The following C1QTNF1 variants were observed in gnomAD, a reference collection of about 807,000 sequenced individuals.
The protein encoded by C1QTNF1 is C1q and TNF related 1.
A neutral mutation model predicts 27.8 loss-of-function variants in C1QTNF1; 22 were observed. The ratio of observed to expected loss-of-function variants is 0.79; its 90% CI spans 0.56 to 1.13. The LOEUF is 1.13. Ranked by LOEUF, C1QTNF1 falls within the 50% of genes most tolerant of loss-of-function variation. The pLI is 0.00. For missense variants in C1QTNF1, 373 were observed against 380.2 expected, an observed-to-expected ratio of 0.98 and a Z score of 0.16; for synonymous variants, 166 against 154.3, an observed-to-expected ratio of 1.08 and a Z score of -0.56.
At chr17:79,023,704 G>GCGCACACACACACACACA (rs1267428917), upstream of C1QTNF1, among the ~76,000 whole-genome samples, 3 of 145,030 alleles carry the variant, frequency 2.1e-5, no homozygotes, top group African/African-American at 7.8e-5. Context: ...GCGCGCGCGC[G>GCGCACACACACACACACA]CACACACACA....
chr17:79,043,745 G>A (rs757362109), intron 1 of C1QTNF1: 13 of 669,132 alleles, frequency 1.9e-5, no homozygotes, highest in South Asian at 9.0e-5. Flanking sequence ...GTGTGTGCAC[G>A]TGAGTGCGTC....
chr17:79,048,136 T>G lies in C1QTNF1; in HGVS notation c.*48T>G. The stretch of plus-strand genomic sequence containing the variant: ...CTCGCCACCTTCCACCCCTGCGCTG[T>G]GCTGACCCCACCGCCTCTTCCCCGA... On this transcript the variant is annotated 3_prime_UTR_variant, in exon 4 of 4. Transcript: ENST00000579760. The G allele has an allele frequency of 6.9e-7, 1 of 1,449,308 alleles. No individual in the cohort carries two copies. The allele number at this position is 1,449,308 out of a possible 1,614,324, so 89.8% of individuals were successfully genotyped here.
chr17:79,044,161 C>G (rs777965796), intron 2 of C1QTNF1, 38 bp downstream of exon 2: 36 of 1,549,502 alleles, frequency 2.3e-5, no homozygotes, highest in Non-Finnish European at 3.1e-5. Context: ...GGAGCTCTGG[C>G]TCTGGCCAGG....
chr17:79,033,338 C>T (rs1300919895), intron 1 of C1QTNF1, among the ~76,000 whole-genome samples: 1 of 151,900 alleles, frequency 6.6e-6, no homozygotes, highest in Non-Finnish European at 1.5e-5. Context: ...ATTTGCAAGC[C>T]CAGGTCTCAG....
intron 1 of C1QTNF1, chr17:79,043,744 CGTGA>C (rs757970654): frequency 6.0e-6 from 4 of 668,234 alleles, no homozygotes; most frequent in Non-Finnish European, 1.1e-5. Context: ...CGTGTGTGCA[CGTGA>C]GTGCGTCGTG....
rs1351487249 is a variant in C1QTNF1, at chr17:79,046,502, C to T, written c.156-53C>T. On this transcript the variant is annotated intron_variant, in intron 2 of 3. Coordinates refer to ENST00000579760, the MANE Select transcript of C1QTNF1 (RefSeq NM_030968.5). This position sits in a 1 kb window ranked among gnomAD's most constrained non-coding sequence, Gnocchi z 4.8. Reference sequence around the variant, plus strand: ...AACCACTGGCAGCAGGAGAGAGCAGCGTTTCCAGGCCTGAGAGTGGCTGAC... The same window carrying T: ...AACCACTGGCAGCAGGAGAGAGCAGTGTTTCCAGGCCTGAGAGTGGCTGAC... The T allele has an allele frequency of 7.5e-6, 12 of 1,609,070 alleles. No individual in the cohort carries two copies. Among genetic ancestry groups the T allele is most frequent in the African/African-American group, 6.7e-5 (5 of 74,846 alleles).
chr17:79,040,786 C>A (rs1180340147), intron 1 of C1QTNF1, among the ~76,000 whole-genome samples: 1 of 151,030 alleles, frequency 6.6e-6, no homozygotes, highest in African/African-American at 2.4e-5. Context: ...TACCTGCAGT[C>A]CCTTCTACTT....
chr17:79,043,629 G>A (rs1241199480), intron 1 of C1QTNF1: 2 of 484,518 alleles, frequency 4.1e-6, no homozygotes, highest in Admixed American at 2.3e-5. Flanking sequence ...GTGAATGTGT[G>A]GGTTGCATGT....
chr17:79,035,911 G>A (rs754174816), intron 1 of C1QTNF1, among the ~76,000 whole-genome samples: 1 of 152,204 alleles, frequency 6.6e-6, no homozygotes, highest in African/African-American at 2.4e-5. Flanking sequence ...CCCCTGGAGG[G>A]CATCTGATAC....
intron 1 of C1QTNF1, among the ~76,000 whole-genome samples, chr17:79,037,730 G>A (rs1261138399): frequency 2.0e-5 from 3 of 152,122 alleles, no homozygotes; most frequent in Non-Finnish European, 4.4e-5. Context: ...GTGCAGTGGT[G>A]CGATCATGGC....
chr17:79,041,778 A>C (rs561519794), intron 1 of C1QTNF1: 1 of 152,118 alleles, frequency 6.6e-6, no homozygotes, highest in South Asian at 2.1e-4. Flanking sequence ...CTCAAAAAAA[A>C]AAAAAAAAAG....
Position 79,046,495 on chromosome 17 carries a change from A to G in C1QTNF1, c.156-60A>G. The G allele has an allele frequency of 1.9e-6, 3 of 1,606,594 alleles. No homozygotes were observed. The highest frequency in any genetic ancestry group is 1.1e-5 in the South Asian group (1 of 90,328). On this transcript the variant is annotated intron_variant, in intron 2 of 3. Transcript: ENST00000579760. The surrounding 1 kb of genome is among the most constrained non-coding windows in gnomAD (Gnocchi z 4.8). ...ATGCCAGAACCACTGGCAGCAGGAG[A>G]GAGCAGCGTTTCCAGGCCTGAGAGT...
In C1QTNF1 at chr17:79,047,743, C is replaced by T. The variant is rs777218254; in HGVS notation, c.501C>T (p.Phe167=). 7.4e-6 allele frequency: 12 copies of T among 1,614,048 alleles called. No individual in the cohort carries two copies. The Admixed American group carries it at 1.7e-4, about 22-fold the overall frequency. The change falls in exon 4 of 4, where the codon TTC becomes TTT. Residue 167 remains phenylalanine (F), a synonymous_variant. Transcript: ENST00000579760. ...HSNHYYQTVI[F]DTEFVNLYDH... The stretch of plus-strand genomic sequence containing the variant: ...ACCACTACTACCAGACGGTGATCTT[C>T]GACACGGAGTTCGTGAACCTCTACG...
In C1QTNF1 at chr17:79,049,268, T is replaced by C. The variant is rs1290006705; in HGVS notation, c.*1180T>C. ...TAGAAAGCTCCCGCTTGTCTGTTTC[T>C]CAGGCTCCTGTGAGCCTCAGTCCTG... is the stretch of plus-strand genomic sequence containing the variant. On this transcript the variant is annotated 3_prime_UTR_variant, in exon 4 of 4. Transcript: ENST00000579760. This position sits in a 1 kb window ranked among gnomAD's most constrained non-coding sequence, Gnocchi z 4.4. 6.6e-6 allele frequency: 1 copy of C among 152,280 alleles called. No homozygotes were observed. The highest frequency in any genetic ancestry group is 1.5e-5 in the Non-Finnish European group (1 of 68,116). The allele number at this position is 152,280 out of a possible 1,614,324, so 9.4% of individuals were successfully genotyped here.
rs2072672952 is a variant in C1QTNF1 at position 79,048,763 on chromosome 17, G to A, written c.*675G>A. The A allele has an allele frequency of 6.6e-6, 1 of 152,228 alleles. No individual in the cohort carries two copies. The highest frequency in any genetic ancestry group is 1.5e-5 in the Non-Finnish European group (1 of 68,048). The allele number at this position is 152,228 out of a possible 1,614,324, so 9.4% of individuals were successfully genotyped here. Reference sequence around the variant, plus strand: ...ATGGGGGCTGGGGCCCCAGGCGTCAGCCTCCCAGAGGGACAGCTGAGCCCC... The same window carrying A: ...ATGGGGGCTGGGGCCCCAGGCGTCAACCTCCCAGAGGGACAGCTGAGCCCC... On this transcript the variant is annotated 3_prime_UTR_variant, in exon 4 of 4. Transcript: ENST00000579760.
At position 79,046,784 on chromosome 17, in the gene C1QTNF1, C is replaced by G. The variant is rs562094752; in HGVS notation, c.295+90C>G. ...ATGGAGTCGTTAGGGTGGGGCTAGG[C>G]GAGAGCAGAATGGCTCCCTCGGGAC... On this transcript the variant is annotated intron_variant, in intron 3 of 3. Coordinates refer to ENST00000579760, the MANE Select transcript of C1QTNF1 (RefSeq NM_030968.5). This position sits in a 1 kb window ranked among gnomAD's most constrained non-coding sequence, Gnocchi z 4.8. 2 of 1,531,300 alleles carry G rather than the reference C, an allele frequency of 1.3e-6. No homozygotes were observed. The highest frequency in any genetic ancestry group is 2.4e-5 in the South Asian group (2 of 85,004). 94.9% of individuals were successfully genotyped at this position (1,531,300 alleles called of 1,614,324 possible). A position where few individuals can be genotyped will look rare whatever the true frequency, so the allele number is the denominator to read the frequency against.
At chr17:79,039,783 ATG>A (rs35243048) in intron 1 of C1QTNF1, among the ~76,000 whole-genome samples, 27 of 151,150 alleles carry the variant, frequency 1.8e-4, no homozygotes, top group Middle Eastern at 3.4e-3. Flanking sequence ...TTAAATAAAT[ATG>A]TGTGTGTGTG....
rs1200276029 is a variant in C1QTNF1, at chr17:79,046,657, G to A, written c.258G>A (p.Ala86=). 7.4e-6 allele frequency: 12 copies of A among 1,614,098 alleles called. No homozygotes were observed. Among genetic ancestry groups the A allele is most frequent in the East Asian group, 2.2e-5 (1 of 44,896 alleles). ...CCDPGTSMYP[A]TAVPQINITI... ...ACCCCGGTACCTCCATGTACCCGGC[G>A]ACCGCCGTGCCCCAGATCAACATCA... Residue 86 remains alanine, a synonymous_variant, in exon 3 of 4, where the codon GCG becomes GCA. Transcript: ENST00000579760. This position sits in a 1 kb window ranked among gnomAD's most constrained non-coding sequence, Gnocchi z 4.8.
chr17:79,026,277 TC>T (rs1457721485), intron 1 of C1QTNF1, among the ~76,000 whole-genome samples: 2 of 152,102 alleles, frequency 1.3e-5, no homozygotes, highest in Non-Finnish European at 2.9e-5. Context: ...TGCCTCAGCC[TC>T]CCAAGTAGCT....
Sources: allele counts gnomAD v4.1 joint callset (sites outside exome capture counted in the v4.1 genomes callset), GRCh38; gene constraint gnomAD v4.1.1; non-coding constraint Gnocchi (gnomAD v3.1); transcripts MANE v1.5; gene names NCBI Gene and HGNC (gene_info 2026-07-23, HGNC 2026-07-21).